The following TNPO1 variants were observed in gnomAD, a reference collection of about 807,000 sequenced individuals.
TNPO1 encodes the protein transportin 1.
A neutral mutation model predicts 119.5 loss-of-function variants in TNPO1; 8 were observed. That is an observed-to-expected ratio of 0.07 (90% confidence interval 0.04 to 0.12). The LOEUF (loss-of-function observed/expected upper bound fraction) is 0.12, where lower values mean the gene tolerates loss of function less well. Ranked by LOEUF, TNPO1 falls within the 10% of genes least tolerant of loss-of-function variation. The pLI, the probability that TNPO1 is intolerant of heterozygous loss-of-function variation, is 1.00. For missense variants in TNPO1, 576 were observed against 1,089.8 expected (o/e 0.53, Z 6.64); for synonymous variants, 362 against 363.0 (o/e 1.00, Z 0.03).
At chr5:72,855,624 A>G (rs1745930997) in intron 3 of TNPO1, 150 bp from the exon 4 acceptor site, 1 of 667,044 alleles carries the variant, frequency 1.5e-6, no homozygotes, top group Non-Finnish European at 2.5e-6. Flanking sequence ...GATAGAGCTA[A>G]TCTTTTGTTA....
intron 12 of TNPO1, 53 bp downstream of exon 12, chr5:72,887,275 G>GTAC: frequency 8.8e-7 from 1 of 1,131,968 alleles, no homozygotes; most frequent in Non-Finnish European, 1.2e-6. Flanking sequence ...CTACTATTAG[G>GTAC]TACTAATAAG....
Position 72,903,750 on chromosome 5 carries a change from C to T in TNPO1, c.2556C>T (p.Asn852=), listed in dbSNP as rs746649514. The T allele has an allele frequency of 1.2e-6, 2 of 1,608,442 alleles. No individual in the cohort carries two copies. The highest frequency in any genetic ancestry group is 1.7e-5 in the Admixed American group (1 of 59,248). Residue 852 remains asparagine (N), a synonymous_variant, in exon 23 of 25, where the codon AAC becomes AAT. Coordinates refer to ENST00000337273, the MANE Select transcript of TNPO1 (RefSeq NM_002270.4). Reference sequence around the variant, plus strand: ...GTGATGCCGTTGCATCATGGATTAACCCAAAAGATGATCTCAGAGACATGT... The same window carrying T: ...GTGATGCCGTTGCATCATGGATTAATCCAAAAGATGATCTCAGAGACATGT... The part of the protein sequence containing the change: ...FFCDAVASWI[N]PKDDLRDMFC...
At chr5:72,901,799 A>G (rs1002016628) in intron 22 of TNPO1, among the ~76,000 whole-genome samples, 1 of 152,200 alleles carries the variant, frequency 6.6e-6, no homozygotes, top group Non-Finnish European at 1.5e-5. Flanking sequence ...CCTGTAGACA[A>G]GAGACCCAAG....
intron 1 of TNPO1, among the ~76,000 whole-genome samples, chr5:72,830,789 A>G (rs1744422264): frequency 1.3e-5 from 2 of 152,162 alleles, no homozygotes; most frequent in South Asian, 4.1e-4. Flanking sequence ...ACCCTCCTCC[A>G]GGATTTAGGA....
chr5:72,875,647 A>G lies in TNPO1; in HGVS notation c.711A>G (p.Pro237=). 1.2e-6 allele frequency: 2 copies of G among 1,613,624 alleles called. No homozygotes were observed. Among genetic ancestry groups the G allele is most frequent in the Non-Finnish European group, 1.7e-6 (2 of 1,179,592 alleles). The change falls in exon 8 of 25, where the codon CCA becomes CCG. Residue 237 remains proline (P), a synonymous_variant. Coordinates refer to ENST00000337273, the MANE Select transcript of TNPO1 (RefSeq NM_002270.4). ...NLFALAGDEE[P]EVRKNVCRAL... ...TTGCATTAGCTGGTGATGAAGAACC[A>G]GAGGTACGGAAAAATGTGTGCCGAG...
intron 1 of TNPO1, among the ~76,000 whole-genome samples, chr5:72,820,266 A>G (rs1162460775): frequency 6.6e-6 from 1 of 152,244 alleles, no homozygotes; most frequent in Non-Finnish European, 1.5e-5. Flanking sequence ...TACAAAAATC[A>G]ATTTCTGCAT....
chr5:72,875,732 G>A lies in TNPO1; in HGVS notation c.796G>A (p.Val266Ile). ...CCTGCTTCCTCACATGCATAATATAGTTGAGGTAACACTGGCAATTTAAAG... is the reference window on the plus strand; with the variant it reads ...CCTGCTTCCTCACATGCATAATATAATTGAGGTAACACTGGCAATTTAAAG... ...DRLLPHMHNI[V>I]EYMLQRTQDQ... Residue 266 changes from valine to isoleucine, a missense_variant, in exon 8 of 25, where the codon GTT becomes ATT. Val to Ile is a conservative substitution (Grantham distance 29). Around this residue, in one of 6 missense-constraint regions of TNPO1, gnomAD observed 310 missense variants for 583.0 expected, o/e 0.53. Coordinates refer to ENST00000337273, the MANE Select transcript of TNPO1 (RefSeq NM_002270.4). The A allele has an allele frequency of 1.2e-6, 2 of 1,602,562 alleles. No homozygotes were observed. The highest frequency in any genetic ancestry group is 1.7e-6 in the Non-Finnish European group (2 of 1,171,286).
chr5:72,868,677 C>T (rs565920141), intron 6 of TNPO1, among the ~76,000 whole-genome samples: 3 of 152,144 alleles, frequency 2.0e-5, no homozygotes, highest in Admixed American at 1.3e-4. Flanking sequence ...ATGACTAAAG[C>T]TTCAAATTGA....
chr5:72,904,665 C>T (rs1013196081), intron 23 of TNPO1, among the ~76,000 whole-genome samples: 8 of 152,032 alleles, frequency 5.3e-5, no homozygotes, highest in South Asian at 2.1e-4. Context: ...GGGGTGGTGG[C>T]GGATGCCTGT....
chr5:72,906,732 A>G (rs908979532), intron 24 of TNPO1, among the ~76,000 whole-genome samples: 2 of 152,170 alleles, frequency 1.3e-5, no homozygotes, highest in African/African-American at 2.4e-5. Flanking sequence ...CGGTTTTGTC[A>G]TTGAGTTATG....
chr5:72,847,241 A>G (rs966470145), intron 1 of TNPO1, among the ~76,000 whole-genome samples: 3 of 152,206 alleles, frequency 2.0e-5, no homozygotes, highest in African/African-American at 7.2e-5. Flanking sequence ...CCTACTAGCA[A>G]GGGACTTTTC....
At chr5:72,870,372 G>C (rs999768916) in intron 6 of TNPO1, among the ~76,000 whole-genome samples, 1 of 152,080 alleles carries the variant, frequency 6.6e-6, no homozygotes, top group African/African-American at 2.4e-5. Flanking sequence ...ATGTTGGCCA[G>C]CCTGGTCTCC....
At chr5:72,858,911 A>T (rs1479788556) in intron 4 of TNPO1, among the ~76,000 whole-genome samples, 4 of 147,874 alleles carry the variant, frequency 2.7e-5, no homozygotes, top group Admixed American at 1.3e-4. Flanking sequence ...AAAATTGATG[A>T]GTTATTTAAA....
chr5:72,817,006 G>C, intron 1 of TNPO1: 1 of 483,578 alleles, frequency 2.1e-6, no homozygotes, highest in South Asian at 3.3e-5. Context: ...CCCGTTAGGG[G>C]CGGCAGGAGC....
intron 16 of TNPO1, 50 bp downstream of exon 16, chr5:72,893,296 TA>T: frequency 6.2e-7 from 1 of 1,604,744 alleles, no homozygotes; most frequent in South Asian, 1.1e-5. Flanking sequence ...GACATTTTTC[TA>T]AAGATAGGTA....
At chr5:72,881,789 A>C (rs1013293854) in intron 9 of TNPO1, among the ~76,000 whole-genome samples, 3 of 152,102 alleles carry the variant, frequency 2.0e-5, no homozygotes, top group Admixed American at 2.0e-4. Flanking sequence ...TTTTCTCCTT[A>C]AGGTCTGTAT....
intron 1 of TNPO1, 68 bp downstream of exon 1, chr5:72,816,820 G>A: frequency 2.0e-6 from 3 of 1,519,132 alleles, no homozygotes; most frequent in Non-Finnish European, 2.7e-6. Flanking sequence ...GCGCCGAGCT[G>A]CCTGACGCGC....
chr5:72,834,874 A>G (rs1744627354), intron 1 of TNPO1, among the ~76,000 whole-genome samples: 1 of 151,954 alleles, frequency 6.6e-6, no homozygotes, highest in Admixed American at 6.5e-5. Flanking sequence ...CATGCTTTTT[A>G]TACTTTATTT....
At chr5:72,828,908 A>G (rs181204692) in intron 1 of TNPO1, among the ~76,000 whole-genome samples, 1 of 152,356 alleles carries the variant, frequency 6.6e-6, no homozygotes, top group East Asian at 1.9e-4. Flanking sequence ...CCTGATAAAC[A>G]TTAGGACAGA....
Sources: allele counts gnomAD v4.1 joint callset (sites outside exome capture counted in the v4.1 genomes callset), GRCh38; gene constraint gnomAD v4.1.1; regional missense constraint gnomAD v4.1.1; transcripts MANE v1.5; gene names NCBI Gene and HGNC (gene_info 2026-07-23, HGNC 2026-07-21).